Variants in ADH4 observed in about 807,000 individuals in gnomAD.
ADH4 encodes the protein alcohol dehydrogenase 4 (class II), pi polypeptide.
Under a neutral mutation model 35.2 loss-of-function variants are expected in ADH4, and 31 were observed. The observed-to-expected ratio is 0.88, with a 90% CI of 0.66 to 1.19. The LOEUF (loss-of-function observed/expected upper bound fraction) is 1.19. ADH4 is among the 50% of genes most tolerant of loss of function. The probability of loss-of-function intolerance (pLI) is 0.00; values close to 1 mark genes in which losing one functional copy is unlikely to be tolerated. For missense variants in ADH4, 476 were observed against 458.3 expected (o/e 1.04, Z -0.35); for synonymous variants, 171 against 160.2 (o/e 1.07, Z -0.51).
In ADH4 at chr4:99,142,760, G is replaced by C. The variant is rs1389292782; in HGVS notation, c.39C>G (p.Ala13=). ...GGGGCTTGCCTGCTTCCCAGGCGAT[G>C]GCTGCTTTGCATTTAATAACCTGAA... The part of the protein sequence containing the change: ...TKGKVIKCKA[A]IAWEAGKPLC... Residue 13 remains alanine (A), a synonymous_variant, in exon 2 of 9, where the codon GCC becomes GCG. Transcript: ENST00000265512. The C allele has an allele frequency of 3.7e-6, 6 of 1,602,524 alleles. No homozygotes were observed. In the East Asian group the frequency reaches 1.1e-4, roughly 30 times the overall value.
intron 3 of ADH4, 110 bp downstream of exon 3, chr4:99,141,431 G>A (rs1043177566): frequency 6.8e-6 from 7 of 1,036,912 alleles, no homozygotes; most frequent in African/African-American, 1.6e-5. Context: ...GGAAAAGATG[G>A]TCCCCTTTTG....
At position 99,136,496 on chromosome 4, in the gene ADH4, A is replaced by C. The variant is rs1216532972; in HGVS notation, c.552T>G (p.Thr184=). The C allele has an allele frequency of 1.2e-6, 2 of 1,614,140 alleles. No individual in the cohort carries two copies. The highest frequency in any genetic ancestry group is 4.5e-5 in the East Asian group (2 of 44,872). Residue 184 remains threonine, a synonymous_variant, in exon 5 of 9, where the codon ACT becomes ACG. Coordinates refer to ENST00000265512, the MANE Select transcript of ADH4 (RefSeq NM_000670.5). ...RVCLLGCGFS[T]GYGAAINNAK... ...CATTGTTGATTGCAGCCCCATAGCC[A>C]GTTGAAAACCCACATCCAAGCAGAC...
At chr4:99,141,730 T>C in intron 2 of ADH4, 48 bp from the exon 3 acceptor site, 1 of 1,571,028 alleles carries the variant, frequency 6.4e-7, no homozygotes, top group Non-Finnish European at 8.7e-7. Context: ...ACTATATTAT[T>C]GGGCTGGATG....
chr4:99,131,989 C>T (rs140632199), intron 5 of ADH4, among the ~76,000 whole-genome samples: 238 of 152,210 alleles, frequency 1.6e-3, no homozygotes, highest in African/African-American at 5.5e-3. Flanking sequence ...AGAAACAAAC[C>T]CAAGTAAAAA....
At chr4:99,125,172 G>T (rs1729046214) in intron 8 of ADH4, among the ~76,000 whole-genome samples, 1 of 152,126 alleles carries the variant, frequency 6.6e-6, no homozygotes, top group Non-Finnish European at 1.5e-5. Context: ...CTTTGCAGTT[G>T]GGTGGTAGGA....
chr4:99,126,708 G>A lies in ADH4; in HGVS notation c.1004C>T (p.Pro335Leu). ...FGGWKSVDSI[P>L]KLVTDYKNKK... Reference sequence around the variant, plus strand: ...ATTCTTATAGTCAGTGACCAGCTTTGGGATAGAATCTACACTTTTCCAACC... The same window carrying A: ...ATTCTTATAGTCAGTGACCAGCTTTAGGATAGAATCTACACTTTTCCAACC... The change falls in exon 8 of 9, where the codon CCA becomes CTA. Residue 335 changes from proline (P) to leucine (L), a missense_variant. By Grantham distance (98) the Pro-to-Leu change is moderately conservative. Transcript: ENST00000265512. 6.2e-7 allele frequency: 1 copy of A among 1,608,734 alleles called. No individual in the cohort carries two copies. The highest frequency in any genetic ancestry group is 1.1e-5 in the South Asian group (1 of 90,456).
intron 7 of ADH4, among the ~76,000 whole-genome samples, chr4:99,126,965 T>C (rs1297385852): frequency 6.6e-6 from 1 of 152,108 alleles, no homozygotes; most frequent in Admixed American, 6.5e-5. Context: ...AAGGTCAATG[T>C]TTATTTTTTG....
chr4:99,125,075 C>T (rs1729043064), intron 8 of ADH4, among the ~76,000 whole-genome samples: 2 of 152,186 alleles, frequency 1.3e-5, no homozygotes, highest in South Asian at 4.1e-4. Context: ...ATCTCTGTGT[C>T]CTTTCCTCAC....
At chr4:99,142,278 CGGCTGCCTAG>C (rs1384807943) in intron 2 of ADH4, among the ~76,000 whole-genome samples, 1 of 152,198 alleles carries the variant, frequency 6.6e-6, no homozygotes, top group Non-Finnish European at 1.5e-5. Flanking sequence ...CAGGACCCTT[CGGCTGCCTAG>C]GGCAGCACGT....
chr4:99,138,664 A>G (rs1282578150), intron 4 of ADH4, among the ~76,000 whole-genome samples: 1 of 152,200 alleles, frequency 6.6e-6, no homozygotes, highest in Non-Finnish European at 1.5e-5. Flanking sequence ...TTGTTTTTGT[A>G]TATGACACTT....
At chr4:99,137,979 TAG>T (rs1729499268) in intron 4 of ADH4, among the ~76,000 whole-genome samples, 1 of 152,202 alleles carries the variant, frequency 6.6e-6, no homozygotes, top group Non-Finnish European at 1.5e-5. Context: ...ATTTGTCCTA[TAG>T]AGTTTTTCTC....
chr4:99,126,642 G>C lies in ADH4; in HGVS notation c.1070C>G (p.Pro357Arg). The C allele has an allele frequency of 6.2e-7, 1 of 1,610,326 alleles. No homozygotes were observed. Among genetic ancestry groups the C allele is most frequent in the Non-Finnish European group, 8.5e-7 (1 of 1,177,338 alleles). The change falls in exon 8 of 9, where the codon CCT becomes CGT. Residue 357 changes from proline to arginine, a missense_variant. By Grantham distance (103) the Pro-to-Arg change is moderately radical. Transcript: ENST00000265512. ...AAATGCCTCACTGATTTTGTCAAAA[G>C]GCAGGGTATGGGTCACCAGTGCATC... is the stretch of plus-strand genomic sequence containing the variant. ...NLDALVTHTL[P>R]FDKISEAFDL... is the part of the protein sequence containing the mutation.
intron 5 of ADH4, 86 bp from the exon 6 acceptor site, chr4:99,131,850 G>A: frequency 1.9e-5 from 27 of 1,404,274 alleles, no homozygotes; most frequent in Non-Finnish European, 2.5e-5. Context: ...GTGGGGGCAT[G>A]AACATATGAA....
chr4:99,131,888 T>C, intron 5 of ADH4, 124 bp from the exon 6 acceptor site: 1 of 1,029,974 alleles, frequency 9.7e-7, no homozygotes, highest in Admixed American at 3.0e-5. Context: ...TTAAACTCTA[T>C]GATATAGCCA....
chr4:99,133,771 C>T (rs907071210), intron 5 of ADH4: 1 of 152,134 alleles, frequency 6.6e-6, no homozygotes, highest in Non-Finnish European at 1.5e-5. Context: ...TGGAACCAAT[C>T]CTTAAACAAA....
intron 3 of ADH4, among the ~76,000 whole-genome samples, chr4:99,141,240 C>T (rs1004074261): frequency 1.3e-5 from 2 of 152,188 alleles, no homozygotes; most frequent in African/African-American, 4.8e-5. Flanking sequence ...TATAAGGTGT[C>T]ATTTGTTAAA....
intron 3 of ADH4, among the ~76,000 whole-genome samples, chr4:99,141,174 G>C (rs1007752713): frequency 1.3e-5 from 2 of 152,128 alleles, no homozygotes; most frequent in African/African-American, 4.8e-5. Flanking sequence ...AGTTTGCTAA[G>C]GATAATGGCT....
In ADH4 at chr4:99,142,697, A is replaced by G. The variant is rs754503568; in HGVS notation, c.102T>C (p.Ala34=). ...IEEVEVAPPK[A]HEVRIQIIAT... Reference sequence around the variant, plus strand: ...CACTTACCTGAATGCGAACTTCATGAGCCTTGGGGGGAGCTACTTCAACCT... The same window carrying G: ...CACTTACCTGAATGCGAACTTCATGGGCCTTGGGGGGAGCTACTTCAACCT... The change falls in exon 2 of 9, where the codon GCT becomes GCC. Residue 34 remains alanine, a synonymous_variant. Coordinates refer to ENST00000265512, the MANE Select transcript of ADH4 (RefSeq NM_000670.5). 9 of 1,587,408 alleles carry G rather than the reference A, an allele frequency of 5.7e-6. No individual in the cohort carries two copies. The South Asian group carries it at 1.0e-4, about 18-fold the overall frequency.
intron 4 of ADH4, among the ~76,000 whole-genome samples, chr4:99,138,080 T>G (rs1729501842): frequency 6.6e-6 from 1 of 152,244 alleles, no homozygotes; most frequent in Admixed American, 6.5e-5. Flanking sequence ...ATTTTTGATC[T>G]AAACACTTGA....
Sources: allele counts gnomAD v4.1 joint callset (sites outside exome capture counted in the v4.1 genomes callset), GRCh38; gene constraint gnomAD v4.1.1; transcripts MANE v1.5; gene names NCBI Gene and HGNC (gene_info 2026-07-23, HGNC 2026-07-21).